CHCHD3: variants seen among roughly 807,000 people sequenced by gnomAD.
The protein encoded by CHCHD3 is coiled-coil-helix-coiled-coil-helix domain containing 3.
In CHCHD3, 20 loss-of-function variants were observed where a neutral mutation model predicts 38.2. The ratio of observed to expected loss-of-function variants is 0.52; its 90% confidence interval spans 0.37 to 0.76. The LOEUF (loss-of-function observed/expected upper bound fraction) is 0.76, where lower values mean the gene tolerates loss of function less well. CHCHD3 is among the 30% of genes least tolerant of loss of function. The pLI is 0.00. For missense variants in CHCHD3, 245 were observed against 279.2 expected (o/e 0.88, Z 0.87); for synonymous variants, 82 against 100.0 (o/e 0.82, Z 1.07).
intron 7 of CHCHD3, among the ~76,000 whole-genome samples, chr7:132,786,642 T>C (rs937086048): frequency 2.6e-5 from 4 of 152,116 alleles, no homozygotes; most frequent in African/African-American, 4.8e-5. Context: ...CTCTAGTTTA[T>C]CCATTCCCAC....
chr7:132,809,151 G>C (rs910097605), intron 6 of CHCHD3, among the ~76,000 whole-genome samples: 1 of 150,304 alleles, frequency 6.7e-6, no homozygotes, highest in African/African-American at 2.4e-5. Flanking sequence ...TGCTGAGATG[G>C]GGTTTCACCA....
At chr7:133,029,125 A>G (rs1000008546) in intron 2 of CHCHD3, among the ~76,000 whole-genome samples, 1 of 152,184 alleles carries the variant, frequency 6.6e-6, no homozygotes, top group African/African-American at 2.4e-5. Context: ...AAGCAACAGA[A>G]AAGAGATTAA....
At chr7:132,873,177 T>C (rs1468388076) in intron 5 of CHCHD3, among the ~76,000 whole-genome samples, 2 of 152,002 alleles carry the variant, frequency 1.3e-5, no homozygotes, top group African/African-American at 4.8e-5. Flanking sequence ...AATTTAATAG[T>C]CCACCACTGG....
At chr7:132,899,289 A>C (rs1199651052) in intron 4 of CHCHD3, among the ~76,000 whole-genome samples, 1 of 152,186 alleles carries the variant, frequency 6.6e-6, no homozygotes, top group Non-Finnish European at 1.5e-5. Context: ...CACCAGCAAC[A>C]GGAGGGAAGG....
chr7:132,838,603 C>G (rs1192172013), intron 5 of CHCHD3, 134 bp from the exon 6 acceptor site: 2 of 619,292 alleles, frequency 3.2e-6, no homozygotes, highest in Admixed American at 6.0e-5. Context: ...GTATAGGTGG[C>G]ATGGATACTT....
chr7:132,997,831 C>T (rs1812466458), intron 3 of CHCHD3, among the ~76,000 whole-genome samples: 1 of 152,140 alleles, frequency 6.6e-6, no homozygotes, highest in African/African-American at 2.4e-5. Context: ...AAGTTCAATT[C>T]TGTGGAGATG....
At chr7:132,984,352 C>T (rs1355118943) in intron 3 of CHCHD3, among the ~76,000 whole-genome samples, 1 of 150,014 alleles carries the variant, frequency 6.7e-6, no homozygotes, top group African/African-American at 2.5e-5. Flanking sequence ...GACGGAGTCG[C>T]GTTCACTCAG....
At chr7:132,985,337 T>G (rs867704345) in intron 3 of CHCHD3, among the ~76,000 whole-genome samples, 8 of 30,062 alleles carry the variant, frequency 2.7e-4, no homozygotes, top group African/African-American at 3.9e-4. Context: ...AAGTGAGGAG[T>G]CCCTCTGCCC....
At chr7:133,074,049 T>A (rs916575102) in intron 1 of CHCHD3, among the ~76,000 whole-genome samples, 1 of 152,198 alleles carries the variant, frequency 6.6e-6, no homozygotes, top group Non-Finnish European at 1.5e-5. Context: ...TACCTAAAGC[T>A]ACCATTCCTT....
intron 7 of CHCHD3, among the ~76,000 whole-genome samples, chr7:132,793,418 GA>G: frequency 6.6e-6 from 1 of 152,316 alleles, no homozygotes; most frequent in South Asian, 2.1e-4. Context: ...TTAAGTCTTA[GA>G]AATAATAATT....
rs375519035 is a variant in CHCHD3 at position 132,877,518 on chromosome 7, G to C, written c.453+8144C>G. Among the ~76,000 whole-genome samples, 8 of 152,102 alleles carry C rather than the reference G, an allele frequency of 5.3e-5. No homozygotes were observed. In the East Asian group the frequency reaches 9.7e-4, roughly 18 times the overall value. On this transcript the variant is annotated intron_variant, in intron 5 of 7. Coordinates refer to ENST00000262570, the MANE Select transcript of CHCHD3 (RefSeq NM_017812.4). The stretch of plus-strand genomic sequence containing the variant: ...GTTAACAAAAGATATGCTGATACTG[G>C]GCCTTATTCATTTTTCTACAGAACA...
intron 6 of CHCHD3, among the ~76,000 whole-genome samples, chr7:132,819,483 G>T (rs1325376855): frequency 2.0e-5 from 3 of 152,056 alleles, no homozygotes; most frequent in African/African-American, 7.2e-5. Context: ...AAGAAGCATG[G>T]ACATTTTATA....
chr7:132,964,687 T>C, intron 4 of CHCHD3, among the ~76,000 whole-genome samples: 1 of 152,222 alleles, frequency 6.6e-6, no homozygotes, highest in East Asian at 1.9e-4. Flanking sequence ...TATCAACCAC[T>C]TCTCCCAAAG....
Position 132,919,024 on chromosome 7 carries a change from T to C in CHCHD3, c.370-33279A>G, listed in dbSNP as rs1303801157. Among the ~76,000 whole-genome samples the C allele has an allele frequency of 2.0e-5, 3 of 151,448 alleles. No individual in the cohort carries two copies. The South Asian group carries it at 6.3e-4, about 32-fold the overall frequency. ...CTCCACGAGGTAGATTCTGTGAAGG[T>C]CAGATAAGAGCTTATACTGTATCTG... On this transcript the variant is annotated intron_variant, in intron 4 of 7. Coordinates refer to ENST00000262570, the MANE Select transcript of CHCHD3 (RefSeq NM_017812.4).
At chr7:133,019,696 C>G (rs977142127) in intron 3 of CHCHD3, among the ~76,000 whole-genome samples, 3 of 152,000 alleles carry the variant, frequency 2.0e-5, no homozygotes, top group Non-Finnish European at 4.4e-5. Context: ...AGCAGCCATT[C>G]CCTTTCTTCT....
At chr7:133,034,673 G>A in intron 2 of CHCHD3, 1 of 1,613,226 alleles carries the variant, frequency 6.2e-7, no homozygotes, top group Non-Finnish European at 8.5e-7. Flanking sequence ...CCCAGGAAAA[G>A]TACTCTCGAA....
intron 3 of CHCHD3, chr7:133,022,401 C>T: frequency 2.2e-6 from 1 of 456,626 alleles, no homozygotes; most frequent in Non-Finnish European, 4.4e-6. Context: ...TCAGGCAATA[C>T]ATACAATAAC....
intron 4 of CHCHD3, among the ~76,000 whole-genome samples, chr7:132,912,070 C>T (rs898998590): frequency 6.6e-6 from 1 of 152,194 alleles, no homozygotes; most frequent in Non-Finnish European, 1.5e-5. Flanking sequence ...CCTCTGTAAG[C>T]AACTACTCAC....
rs138134487 is a variant in CHCHD3 at position 132,992,692 on chromosome 7, C to G, written c.252-17406G>C. Among the ~76,000 whole-genome samples the G allele has an allele frequency of 2.6e-5, 4 of 152,094 alleles. 1 individual carries two copies. Among genetic ancestry groups the G allele is most frequent in the Admixed American group, 1.3e-4 (2 of 15,274 alleles). ...GAGAAAAAACCAGAATTATTTCTAC[C>G]TTTTTTACTTGTGACAGAACTAGTA... On this transcript the variant is annotated intron_variant, in intron 3 of 7. Transcript: ENST00000262570.
Sources: allele counts gnomAD v4.1 joint callset (sites outside exome capture counted in the v4.1 genomes callset), GRCh38; gene constraint gnomAD v4.1.1; transcripts MANE v1.5; gene names NCBI Gene and HGNC (gene_info 2026-07-23, HGNC 2026-07-21).